SMCHD1: variants seen among roughly 807,000 people sequenced by gnomAD.
The protein encoded by SMCHD1 is structural maintenance of chromosomes flexible hinge domain-containing protein 1.
A neutral mutation model predicts 254.7 loss-of-function variants in SMCHD1; 78 were observed. That is an observed-to-expected ratio of 0.31 (90% CI 0.26 to 0.37). The LOEUF (loss-of-function observed/expected upper bound fraction) is 0.37. SMCHD1 is among the 10% of genes least tolerant of loss of function. SMCHD1 has a pLI of 1.00. For missense variants in SMCHD1, 1,840 were observed against 2,408.1 expected (o/e 0.76, Z 4.94); for synonymous variants, 766 against 794.9 (o/e 0.96, Z 0.61).
At chr18:2,702,320 T>C (rs1367029463) in intron 12 of SMCHD1, 1 of 113,658 alleles carries the variant, frequency 8.8e-6, no homozygotes, top group Non-Finnish European at 2.0e-5. Flanking sequence ...AAGGAAATGT[T>C]CAAATACACA....
intron 3 of SMCHD1, among the ~76,000 whole-genome samples, chr18:2,668,282 A>G (rs1358503045): frequency 6.6e-6 from 1 of 152,166 alleles, no homozygotes; most frequent in Non-Finnish European, 1.5e-5. Context: ...TGCTTTCTTA[A>G]TGTAACACTA....
At chr18:2,662,014 C>T (rs1191194673) in intron 1 of SMCHD1, among the ~76,000 whole-genome samples, 4 of 139,086 alleles carry the variant, frequency 2.9e-5, no homozygotes, top group Non-Finnish European at 6.0e-5. Flanking sequence ...AAAAAATTAG[C>T]CGGGCGCGGT....
In SMCHD1 at chr18:2,722,639, A is replaced by G. The variant is rs1568235349; in HGVS notation, c.2579A>G (p.Asp860Gly). ...EFGHTSQLVT[D>G]IQPVLEASGL... is the part of the protein sequence containing the mutation. ...GGTCATACCAGTCAACTAGTAACTGATATTCAGCCAGTTCTTGAAGCAAGG... is the reference window on the plus strand; with the variant it reads ...GGTCATACCAGTCAACTAGTAACTGGTATTCAGCCAGTTCTTGAAGCAAGG... The change falls in exon 20 of 48, where the codon GAT becomes GGT. Residue 860 changes from aspartate (D) to glycine (G), a missense_variant. Physicochemically the swap from Asp to Gly is moderately conservative, Grantham distance 94 (BLOSUM62 -1). This residue lies in a region of SMCHD1 where 59 missense variants were observed against 99.2 expected (regional missense o/e 0.59). Transcript: ENST00000320876. The G allele has an allele frequency of 6.2e-7, 1 of 1,611,192 alleles. No homozygotes were observed. Among genetic ancestry groups the G allele is most frequent in the Non-Finnish European group, 8.5e-7 (1 of 1,178,904 alleles).
At chr18:2,778,776 CTG>C (rs2076107847) in intron 44 of SMCHD1, among the ~76,000 whole-genome samples, 1 of 152,162 alleles carries the variant, frequency 6.6e-6, no homozygotes, top group East Asian at 1.9e-4. Context: ...CTGTGCGTGA[CTG>C]TGTTCAAATT....
In SMCHD1 at chr18:2,752,471, C is replaced by T; in HGVS notation, c.4282-17C>T. The T allele has an allele frequency of 6.3e-7, 1 of 1,579,458 alleles. No individual in the cohort carries two copies. Among genetic ancestry groups the T allele is most frequent in the South Asian group, 1.1e-5 (1 of 90,194 alleles). ...GTCATTTTCCCCTCTCCCCTTCTCT[C>T]CTACTCCCCTTTCTAGGCAGAAACA... is the stretch of plus-strand genomic sequence containing the variant. On this transcript the variant is annotated splice_polypyrimidine_tract_variant and intron_variant, in intron 33 of 47. Transcript: ENST00000320876.
At position 2,761,221 on chromosome 18, in the gene SMCHD1, C is replaced by T. The variant is rs559575482; in HGVS notation, c.4434+482C>T. Among the ~76,000 whole-genome samples, 112 of 152,126 alleles carry T rather than the reference C, an allele frequency of 7.4e-4. 1 individual carries two copies. Among genetic ancestry groups the T allele is most frequent in the African/African-American group, 2.2e-3 (93 of 41,488 alleles). Reference sequence around the variant, plus strand: ...GTGGGAGCTAAACATTGGGTACACACGGACACAAAGATGGGAACAGTAAAC... The same window carrying T: ...GTGGGAGCTAAACATTGGGTACACATGGACACAAAGATGGGAACAGTAAAC... On this transcript the variant is annotated intron_variant, in intron 35 of 47. Coordinates refer to ENST00000320876, the MANE Select transcript of SMCHD1 (RefSeq NM_015295.3).
In SMCHD1 at chr18:2,751,258, T is replaced by C. The variant is rs2075565515; in HGVS notation, c.4166-20T>C. ...TAATTGAACTAGAAAGAGATAATTT[T>C]TTAACGTTTACCATGACAGATTTTA... On this transcript the variant is annotated intron_variant, in intron 32 of 47. Transcript: ENST00000320876. 7.2e-7 allele frequency: 1 copy of C among 1,383,974 alleles called. No individual in the cohort carries two copies. The highest frequency in any genetic ancestry group is 1.0e-6 in the Non-Finnish European group (1 of 995,368). The allele number at this position is 1,383,974 out of a possible 1,614,324, so 85.7% of individuals were successfully genotyped here. A position where few individuals can be genotyped will look rare whatever the true frequency, so the allele number is the denominator to read the frequency against.
intron 10 of SMCHD1, among the ~76,000 whole-genome samples, chr18:2,699,892 A>G (rs1159564621): frequency 6.6e-6 from 1 of 152,178 alleles, no homozygotes; most frequent in Admixed American, 6.5e-5. Flanking sequence ...CTGAGGTGTT[A>G]ATATGTCAGG....
At chr18:2,699,130 G>A (rs772848898) in intron 10 of SMCHD1, among the ~76,000 whole-genome samples, 35 of 152,144 alleles carry the variant, frequency 2.3e-4, no homozygotes, top group East Asian at 7.7e-4. Flanking sequence ...ATCCTGATTC[G>A]AATCCCATCT....
intron 1 of SMCHD1, among the ~76,000 whole-genome samples, chr18:2,657,869 T>C (rs1243359556): frequency 6.6e-6 from 1 of 152,086 alleles, no homozygotes; most frequent in Non-Finnish European, 1.5e-5. Flanking sequence ...CAGGCCCAAA[T>C]ATTCCCGGGC....
chr18:2,783,233 T>A (rs934819066), intron 44 of SMCHD1, among the ~76,000 whole-genome samples: 4 of 152,220 alleles, frequency 2.6e-5, no homozygotes, highest in African/African-American at 9.6e-5. Flanking sequence ...ATCGTTCACA[T>A]CTGTTACTAT....
chr18:2,775,722 A>C lies in SMCHD1; in HGVS notation c.5176-12A>C. 1 of 1,582,644 alleles carries C rather than the reference A, an allele frequency of 6.3e-7. No individual in the cohort carries two copies. The highest frequency in any genetic ancestry group is 8.6e-7 in the Non-Finnish European group (1 of 1,168,164). ...ATTTTATATTTTTTTACTTTATGAAAATGGGTTATAGATTGCACATCTAGC... is the reference window on the plus strand; with the variant it reads ...ATTTTATATTTTTTTACTTTATGAACATGGGTTATAGATTGCACATCTAGC... On this transcript the variant is annotated splice_polypyrimidine_tract_variant and intron_variant, in intron 41 of 47. Coordinates refer to ENST00000320876, the MANE Select transcript of SMCHD1 (RefSeq NM_015295.3).
intron 3 of SMCHD1, 93 bp downstream of exon 3, chr18:2,667,124 T>C (rs1481374057): frequency 1.8e-5 from 15 of 844,632 alleles, no homozygotes; most frequent in Non-Finnish European, 2.7e-5. Context: ...GTAAATCTTC[T>C]TATTACACTT....
intron 30 of SMCHD1, among the ~76,000 whole-genome samples, chr18:2,748,380 G>GTGTGTATA (rs561439889): frequency 1.9e-4 from 15 of 80,278 alleles, no homozygotes; most frequent in East Asian, 8.4e-4. Flanking sequence ...GTGTGTGTGT[G>GTGTGTATA]TGTATATAAA....
intron 1 of SMCHD1, among the ~76,000 whole-genome samples, chr18:2,660,199 C>G (rs2073205155): frequency 6.6e-6 from 1 of 152,030 alleles, no homozygotes; most frequent in East Asian, 1.9e-4. Flanking sequence ...TGGCGGGTGC[C>G]TGTAATCCCA....
chr18:2,709,611 C>T (rs1003946203), intron 17 of SMCHD1, among the ~76,000 whole-genome samples: 3 of 151,938 alleles, frequency 2.0e-5, no homozygotes, highest in African/African-American at 4.8e-5. Flanking sequence ...GGTTTTTTCC[C>T]CCCTTTTTCC....
chr18:2,666,378 T>A, intron 2 of SMCHD1, 146 bp downstream of exon 2: 1 of 540,858 alleles, frequency 1.8e-6, no homozygotes, highest in Non-Finnish European at 3.3e-6. Flanking sequence ...TGGCTGCATG[T>A]GCATAGTCTG....
At chr18:2,704,231 T>G (rs1023588192) in intron 13 of SMCHD1, among the ~76,000 whole-genome samples, 2 of 152,174 alleles carry the variant, frequency 1.3e-5, no homozygotes, top group African/African-American at 4.8e-5. Context: ...TTAAATTCCA[T>G]AATTTATTAT....
At chr18:2,724,065 G>A (rs1170933879) in intron 20 of SMCHD1, among the ~76,000 whole-genome samples, 8 of 149,132 alleles carry the variant, frequency 5.4e-5, no homozygotes, top group Non-Finnish European at 1.0e-4. Flanking sequence ...CATATTAGTG[G>A]GATTTTAAGA....
Sources: gnomAD v4.1 joint callset for allele counts (sites outside exome capture counted in the v4.1 genomes callset) on GRCh38, gnomAD v4.1.1 for gene constraint, gnomAD v4.1.1 regional missense constraint, MANE v1.5 for transcripts, NCBI Gene and HGNC (gene_info 2026-07-23, HGNC 2026-07-21) for gene names.